PRORP: variants seen among roughly 807,000 people sequenced by gnomAD.
The protein encoded by PRORP is mitochondrial ribonuclease P catalytic subunit.
Under a neutral mutation model 59.4 loss-of-function variants are expected in PRORP, and 51 were observed. That is an observed-to-expected ratio of 0.86 (90% CI 0.69 to 1.08). PRORP has a LOEUF of 1.08. Ranked by LOEUF, PRORP falls within the 50% of genes least tolerant of loss-of-function variation. The pLI, the probability that PRORP is intolerant of heterozygous loss-of-function variation, is 0.00. For synonymous variants in PRORP, 231 were observed against 245.6 expected (o/e 0.94, Z 0.55); for missense variants, 646 against 690.3 (o/e 0.94, Z 0.72).
At chr14:35,245,258 C>T (rs1424437930) in intron 5 of PRORP, among the ~76,000 whole-genome samples, 5 of 152,180 alleles carry the variant, frequency 3.3e-5, no homozygotes, top group Admixed American at 1.3e-4. Context: ...TCACTGATTA[C>T]GGCATCATGG....
intron 4 of PRORP, among the ~76,000 whole-genome samples, chr14:35,133,750 G>A (rs12590678): frequency 0.16 from 24,158 of 152,162 alleles, 2,119 homozygotes; most frequent in East Asian, 0.3. Context: ...CTGCCTTCAT[G>A]GCCTTGAACA....
At chr14:35,266,291 T>G in intron 5 of PRORP, among the ~76,000 whole-genome samples, 1 of 146,790 alleles carries the variant, frequency 6.8e-6, no homozygotes. Context: ...TACTCCAGCC[T>G]GGGCAACAAG....
At chr14:35,209,816 G>A (rs1192115937) in intron 5 of PRORP, among the ~76,000 whole-genome samples, 5 of 152,138 alleles carry the variant, frequency 3.3e-5, no homozygotes, top group East Asian at 3.8e-4. Context: ...GATTACAGGC[G>A]TGAGCCACCA....
chr14:35,212,991 A>G (rs746250506), intron 5 of PRORP, among the ~76,000 whole-genome samples: 1 of 152,222 alleles, frequency 6.6e-6, no homozygotes, highest in Non-Finnish European at 1.5e-5. Context: ...AGCACTTGCT[A>G]CTTCGTCTTA....
At chr14:35,164,223 A>G (rs2048128137) in intron 4 of PRORP, among the ~76,000 whole-genome samples, 1 of 152,236 alleles carries the variant, frequency 6.6e-6, no homozygotes, top group Non-Finnish European at 1.5e-5. Flanking sequence ...TGTGGAAAGC[A>G]GCTTGGAGAT....
intron 4 of PRORP, among the ~76,000 whole-genome samples, chr14:35,168,978 T>G (rs572240406): frequency 5.9e-5 from 9 of 152,226 alleles, no homozygotes; most frequent in African/African-American, 2.2e-4. Flanking sequence ...GCTTTTCCTA[T>G]TTCTTTGATT....
intron 4 of PRORP, among the ~76,000 whole-genome samples, chr14:35,176,709 T>G (rs543449236): frequency 6.6e-6 from 1 of 152,306 alleles, no homozygotes; most frequent in South Asian, 2.1e-4. Flanking sequence ...TGACTTCTTC[T>G]TTTCCTAATT....
At chr14:35,264,528 AG>A (rs1566536584) in intron 5 of PRORP, among the ~76,000 whole-genome samples, 1 of 152,070 alleles carries the variant, frequency 6.6e-6, no homozygotes, top group African/African-American at 2.4e-5. Flanking sequence ...ACAGTGCCGA[AG>A]TTACAGATGT....
At chr14:35,184,059 G>T (rs1216371629) in intron 5 of PRORP, among the ~76,000 whole-genome samples, 2 of 151,732 alleles carry the variant, frequency 1.3e-5, no homozygotes, top group Non-Finnish European at 2.9e-5. Context: ...TATTATTTAT[G>T]CTCTTCCTAT....
intron 5 of PRORP, among the ~76,000 whole-genome samples, chr14:35,230,486 T>G (rs1381398338): frequency 6.6e-6 from 1 of 152,370 alleles, no homozygotes; most frequent in South Asian, 2.1e-4. Context: ...TTCAGGAATA[T>G]GAAAAGCTGT....
chr14:35,206,102 T>C (rs1298209562), intron 5 of PRORP, among the ~76,000 whole-genome samples: 1 of 152,244 alleles, frequency 6.6e-6, no homozygotes, highest in African/African-American at 2.4e-5. Flanking sequence ...ATATTTGACT[T>C]GAAGTGCATT....
At chr14:35,199,344 A>T (rs966752565) in intron 5 of PRORP, among the ~76,000 whole-genome samples, 1 of 151,826 alleles carries the variant, frequency 6.6e-6, no homozygotes, top group Non-Finnish European at 1.5e-5. Context: ...AAAAAAAAAA[A>T]AAAAAAAAAA....
chr14:35,151,934 C>CTT (rs11342103), intron 4 of PRORP, among the ~76,000 whole-genome samples: 5 of 124,836 alleles, frequency 4.0e-5, no homozygotes, highest in Non-Finnish European at 6.7e-5. Context: ...GTTAATCCAT[C>CTT]TTTTTTTTTT....
intron 5 of PRORP, among the ~76,000 whole-genome samples, chr14:35,228,655 A>C (rs1288963602): frequency 6.6e-6 from 1 of 152,250 alleles, no homozygotes; most frequent in African/African-American, 2.4e-5. Context: ...TTCTGTGGCC[A>C]CATAGTATTC....
intron 5 of PRORP, among the ~76,000 whole-genome samples, chr14:35,237,009 CCTT>C (rs1333370705): frequency 6.7e-6 from 1 of 148,752 alleles, no homozygotes; most frequent in Non-Finnish European, 1.5e-5. Context: ...CTCCTTCACT[CCTT>C]CCTTCCCTCC....
chr14:35,126,241 C>T (rs2047094431), intron 2 of PRORP, among the ~76,000 whole-genome samples: 1 of 152,130 alleles, frequency 6.6e-6, no homozygotes, highest in Non-Finnish European at 1.5e-5. Context: ...GGAAAGGATA[C>T]ATTGATTGAA....
At chr14:35,222,305 T>C (rs1031465345) in intron 5 of PRORP, 3 of 152,186 alleles carry the variant, frequency 2.0e-5, no homozygotes, top group African/African-American at 7.2e-5. Flanking sequence ...CTCCAGTCTT[T>C]AGAAAGAATG....
chr14:35,174,466 T>G (rs1285860776), intron 4 of PRORP, among the ~76,000 whole-genome samples: 1 of 152,082 alleles, frequency 6.6e-6, no homozygotes, highest in South Asian at 2.1e-4. Flanking sequence ...TAAGTTGGGG[T>G]TTTTTTGTTC....
chr14:35,163,790 A>G (rs1040801112), intron 4 of PRORP, among the ~76,000 whole-genome samples: 5 of 152,132 alleles, frequency 3.3e-5, no homozygotes, highest in Non-Finnish European at 7.4e-5. Context: ...CCCACTTGTC[A>G]ATTTTTGTTT....
Sources: gnomAD v4.1 joint callset for allele counts (sites outside exome capture counted in the v4.1 genomes callset) on GRCh38, gnomAD v4.1.1 for gene constraint, MANE v1.5 for transcripts, NCBI Gene and HGNC (gene_info 2026-07-23, HGNC 2026-07-21) for gene names.